SCAPER: variants seen among roughly 807,000 people sequenced by gnomAD.
SCAPER encodes the protein S-phase cyclin A associated protein in the ER.
SCAPER carries 98 observed loss-of-function variants against 182.2 expected under a neutral mutation model. The ratio of observed to expected loss-of-function variants is 0.54; its 90% confidence interval spans 0.46 to 0.64. The LOEUF is 0.64. Ranked by LOEUF, SCAPER falls within the 30% of genes least tolerant of loss-of-function variation. The pLI is 0.00. For synonymous variants in SCAPER, 605 were observed against 564.6 expected (o/e 1.07, Z -1.01); for missense variants, 1,432 against 1,690.0 (o/e 0.85, Z 2.68).
At chr15:76,687,581 T>A (rs996544543) in intron 20 of SCAPER, among the ~76,000 whole-genome samples, 1 of 152,122 alleles carries the variant, frequency 6.6e-6, no homozygotes. Flanking sequence ...CCTAATACTA[T>A]CCCTCCCCTA....
At chr15:76,357,179 CA>C (rs1566983766) in intron 29 of SCAPER, among the ~76,000 whole-genome samples, 63 of 151,854 alleles carry the variant, frequency 4.1e-4, no homozygotes, top group Non-Finnish European at 5.5e-4. Flanking sequence ...CACACACACA[CA>C]CACACACACC....
rs186329768 is a variant in SCAPER at position 76,677,540 on chromosome 15, T to A, written c.2509-11751A>T. On this transcript the variant is annotated intron_variant, in intron 20 of 31. Transcript: ENST00000563290. Reference sequence around the variant, plus strand: ...AAATCAATGTAACAAGCCCAAAAGCTAATTAATGGTGGCTAATTCCACACA... The same window carrying A: ...AAATCAATGTAACAAGCCCAAAAGCAAATTAATGGTGGCTAATTCCACACA... Among the ~76,000 whole-genome samples the A allele has an allele frequency of 3.2e-4, 49 of 151,968 alleles. 2 individuals are homozygous for A. In the East Asian group the frequency reaches 6.2e-3, roughly 19 times the overall value.
rs183416049 is a variant in SCAPER at position 76,481,020 on chromosome 15, C to T, written c.2955-9685G>A. ...TGCTGGGATTACAGGCATGAGCCAC[C>T]GCGCCCGGCCCACTATTCTACTTTT... On this transcript the variant is annotated intron_variant, in intron 24 of 31. Transcript: ENST00000563290. Among the ~76,000 whole-genome samples, 235 of 152,242 alleles carry T rather than the reference C, an allele frequency of 1.5e-3. 2 individuals carry two copies. The highest frequency in any genetic ancestry group is 4.1e-3 in the Admixed American group (62 of 15,288).
At chr15:76,780,004 C>A (rs986048621) in intron 8 of SCAPER, among the ~76,000 whole-genome samples, 11 of 152,196 alleles carry the variant, frequency 7.2e-5, no homozygotes, top group African/African-American at 2.4e-4. Flanking sequence ...AACTGAGGTA[C>A]CTGGTTCATC....
Position 76,753,907 on chromosome 15 carries a change from T to C in SCAPER, c.1767A>G (p.Gln589=), listed in dbSNP as rs2062247236. 2 of 1,613,026 alleles carry C rather than the reference T, an allele frequency of 1.2e-6. No individual in the cohort carries two copies. The highest frequency in any genetic ancestry group is 1.7e-6 in the Non-Finnish European group (2 of 1,179,332). Residue 589 remains glutamine, a synonymous_variant, in exon 15 of 32, where the codon CAA becomes CAG. Coordinates refer to ENST00000563290, the MANE Select transcript of SCAPER (RefSeq NM_020843.4). The part of the protein sequence containing the change: ...VRKWKEELLD[Q]RRRMMEEKLL... ...ATTTTTCTTCCATCATCCTGCGTCGTTGATCTAGCAATTCTTCCTTCCACT... is the reference window on the plus strand; with the variant it reads ...ATTTTTCTTCCATCATCCTGCGTCGCTGATCTAGCAATTCTTCCTTCCACT...
In SCAPER at chr15:76,719,335, A is replaced by G. The variant is rs376205999; in HGVS notation, c.2165+9260T>C. Among the ~76,000 whole-genome samples, 12 of 152,356 alleles carry G rather than the reference A, an allele frequency of 7.9e-5. No individual in the cohort carries two copies. The East Asian group carries it at 2.1e-3, about 27-fold the overall frequency. ...TCACTTATATGTGAAATCTTAAAAA[A>G]AATTCAATTATACAGAGATAGAAAA... On this transcript the variant is annotated intron_variant, in intron 17 of 31. Transcript: ENST00000563290.
At position 76,504,936 on chromosome 15, in the gene SCAPER, T is replaced by A; in HGVS notation, c.2877A>T (p.Gly959=). The A allele has an allele frequency of 6.2e-7, 1 of 1,612,996 alleles. No homozygotes were observed. The highest frequency in any genetic ancestry group is 8.5e-7 in the Non-Finnish European group (1 of 1,179,572). ...GAAGGATGTGTTCAAGGGCTGTTAATCCACCAGCAGCTTGAAATGCAATCT... is the reference window on the plus strand; with the variant it reads ...GAAGGATGTGTTCAAGGGCTGTTAAACCACCAGCAGCTTGAAATGCAATCT... ...ADQIAFQAAG[G]LTALEHILQA... Residue 959 remains glycine (G), a synonymous_variant, in exon 24 of 32, where the codon GGA becomes GGT. Coordinates refer to ENST00000563290, the MANE Select transcript of SCAPER (RefSeq NM_020843.4).
chr15:76,643,286 A>G lies in SCAPER; in HGVS notation c.2646-21457T>C, dbSNP rs147824349. 1.7e-3 allele frequency among the ~76,000 whole-genome samples: 264 copies of G among 152,302 alleles called. 1 individual carries two copies. Among genetic ancestry groups the G allele is most frequent in the African/African-American group, 6.0e-3 (251 of 41,554 alleles). ...CATTTAACTTTGATCTTTACTGAACACTGTTCAATAAGGATCAAACTTGAA... is the reference window on the plus strand; with the variant it reads ...CATTTAACTTTGATCTTTACTGAACGCTGTTCAATAAGGATCAAACTTGAA... On this transcript the variant is annotated intron_variant, in intron 21 of 31. Coordinates refer to ENST00000563290, the MANE Select transcript of SCAPER (RefSeq NM_020843.4).
At chr15:76,405,109 C>CTTTTT (rs35039615) in intron 26 of SCAPER, among the ~76,000 whole-genome samples, 4 of 112,410 alleles carry the variant, frequency 3.6e-5, no homozygotes, top group Admixed American at 1.0e-4. Context: ...ACAACTTACA[C>CTTTTT]TTTTTTTTTT....
At position 76,354,052 on chromosome 15, in the gene SCAPER, T is replaced by C; in HGVS notation, c.3944A>G (p.Lys1315Arg). ...FQYFSDPRLI[K>R]VLFPSLIAAC... ...AGCGATAAGTGAAGGGAACAGTACT[T>C]TGATCAGCCGTGGGTCACTGAAATA... is the stretch of plus-strand genomic sequence containing the variant. The change falls in exon 30 of 32, where the codon AAA (lysine) becomes AGA (arginine). Residue 1315 changes from lysine to arginine, a missense_variant. Transcript: ENST00000563290. The surrounding 1 kb of genome is among the most constrained non-coding windows in gnomAD (Gnocchi z 4.4). 1 of 1,610,344 alleles carries C rather than the reference T, an allele frequency of 6.2e-7. No individual in the cohort carries two copies. The highest frequency in any genetic ancestry group is 8.5e-7 in the Non-Finnish European group (1 of 1,178,864).
chr15:76,497,989 C>CCAA (rs2040724857), intron 24 of SCAPER, among the ~76,000 whole-genome samples: 1 of 58,322 alleles, frequency 1.7e-5, no homozygotes, highest in Non-Finnish European at 3.0e-5. Flanking sequence ...GACTCCGTCT[C>CCAA]AAAAAAAAAA....
chr15:76,745,657 T>C (rs1238717169), intron 15 of SCAPER, among the ~76,000 whole-genome samples: 1 of 152,168 alleles, frequency 6.6e-6, no homozygotes, highest in African/African-American at 2.4e-5. Context: ...TGACCATCCA[T>C]CTCTATGGAA....
At chr15:76,565,237 G>A (rs1481240440) in intron 23 of SCAPER, among the ~76,000 whole-genome samples, 4 of 152,104 alleles carry the variant, frequency 2.6e-5, no homozygotes, top group Admixed American at 2.6e-4. Flanking sequence ...CCTACAGAAT[G>A]GGAGAAAACT....
intron 29 of SCAPER, among the ~76,000 whole-genome samples, chr15:76,372,358 C>A (rs1249001264): frequency 1.3e-5 from 2 of 152,108 alleles, no homozygotes; most frequent in African/African-American, 2.4e-5. Context: ...CTTTTTTTCC[C>A]CATCCCAGCA....
chr15:76,719,999 T>C (rs1184228041), intron 17 of SCAPER, among the ~76,000 whole-genome samples: 1 of 152,056 alleles, frequency 6.6e-6, no homozygotes, highest in Non-Finnish European at 1.5e-5. Context: ...TACATATGTA[T>C]ACATGTGCCA....
chr15:76,348,769 T>G (rs2040336059), intron 31 of SCAPER, 33 bp from the exon 32 acceptor site: 6 of 1,273,988 alleles, frequency 4.7e-6, no homozygotes, highest in Non-Finnish European at 6.5e-6. Context: ...AAAAGTTAAA[T>G]AAAAGAGGGT....
intron 24 of SCAPER, among the ~76,000 whole-genome samples, chr15:76,499,449 T>C (rs544441544): frequency 4.6e-5 from 7 of 152,338 alleles, no homozygotes; most frequent in South Asian, 2.1e-4. Flanking sequence ...TGTAAGTCTA[T>C]AGAGTCCAGT....
At chr15:76,423,175 G>C (rs1431100799) in intron 26 of SCAPER, among the ~76,000 whole-genome samples, 1 of 152,186 alleles carries the variant, frequency 6.6e-6, no homozygotes, top group Non-Finnish European at 1.5e-5. Context: ...GTATTGATTG[G>C]AATAGTTTCA....
At chr15:76,769,203 G>A (rs1885287877) in intron 10 of SCAPER, among the ~76,000 whole-genome samples, 2 of 152,110 alleles carry the variant, frequency 1.3e-5, no homozygotes. Flanking sequence ...AGCACTTTGG[G>A]AGGCCGAGGC....
Sources: gnomAD v4.1 joint callset for allele counts (sites outside exome capture counted in the v4.1 genomes callset) on GRCh38, gnomAD v4.1.1 for gene constraint, Gnocchi (gnomAD v3.1) non-coding constraint, MANE v1.5 for transcripts, NCBI Gene and HGNC (gene_info 2026-07-23, HGNC 2026-07-21) for gene names.